The following GDI2 variants were observed in gnomAD, a reference collection of about 807,000 sequenced individuals.
GDI2 encodes GDP dissociation inhibitor 2.
GDI2 carries 22 observed loss-of-function variants against 54.2 expected under a neutral mutation model. The observed-to-expected ratio is 0.41, with a 90% confidence interval of 0.29 to 0.58. The LOEUF (loss-of-function observed/expected upper bound fraction) is 0.58, where lower values mean the gene tolerates loss of function less well. Among genes scored for constraint, GDI2 ranks in the 20% least tolerant of loss-of-function variants. The pLI is 0.35. For synonymous variants in GDI2, 177 were observed against 182.1 expected (o/e 0.97, Z 0.23); for missense variants, 422 against 546.0 (o/e 0.77, Z 2.26).
chr10:5,812,823 G>A (rs964837844), intron 1 of GDI2, among the ~76,000 whole-genome samples: 2 of 152,188 alleles, frequency 1.3e-5, no homozygotes, highest in Admixed American at 6.5e-5. Flanking sequence ...GGCCTGCACC[G>A]TCCCCTCCGC....
intron 4 of GDI2, among the ~76,000 whole-genome samples, chr10:5,786,273 C>A (rs1039747388): frequency 6.8e-6 from 1 of 145,998 alleles, no homozygotes; most frequent in Admixed American, 7.3e-5. Flanking sequence ...CGTGTTCAAG[C>A]GATTCTCCTG....
intron 4 of GDI2, among the ~76,000 whole-genome samples, chr10:5,794,107 T>C (rs994835887): frequency 1.4e-5 from 2 of 146,338 alleles, no homozygotes; most frequent in African/African-American, 5.1e-5. Flanking sequence ...GAGGTTGCAG[T>C]GAGCCTCTGA....
chr10:5,796,665 A>C, intron 3 of GDI2, 98 bp downstream of exon 3: 2 of 683,948 alleles, frequency 2.9e-6, no homozygotes, highest in East Asian at 2.5e-5. Context: ...AACAAAATCC[A>C]GTTCCTCATA....
At chr10:5,805,322 T>C (rs1841353462) in intron 1 of GDI2, among the ~76,000 whole-genome samples, 1 of 148,364 alleles carries the variant, frequency 6.7e-6, no homozygotes, top group African/African-American at 2.5e-5. Context: ...ACAGAGCTTC[T>C]GAGTTAGTAG....
intron 6 of GDI2, among the ~76,000 whole-genome samples, chr10:5,777,551 AG>A (rs1384776848): frequency 6.6e-6 from 1 of 152,244 alleles, no homozygotes; most frequent in Non-Finnish European, 1.5e-5. Context: ...TGGTCATTAG[AG>A]AAATACAAAT....
intron 2 of GDI2, among the ~76,000 whole-genome samples, chr10:5,797,213 C>A (rs1841165313): frequency 6.6e-6 from 1 of 151,282 alleles, no homozygotes; most frequent in South Asian, 2.1e-4. Flanking sequence ...GAGTTTGAGA[C>A]CAGCCTGACC....
chr10:5,791,764 A>T (rs1020432245), intron 4 of GDI2, among the ~76,000 whole-genome samples: 16 of 151,942 alleles, frequency 1.1e-4, no homozygotes, highest in African/African-American at 2.4e-4. Context: ...AAAAAAAAAA[A>T]AATAAGCCAG....
At chr10:5,803,677 GA>G (rs1841316338) in intron 1 of GDI2, among the ~76,000 whole-genome samples, 1 of 151,994 alleles carries the variant, frequency 6.6e-6, no homozygotes, top group African/African-American at 2.4e-5. Flanking sequence ...ACCATCAACC[GA>G]AAAGTATAAA....
chr10:5,779,401 G>C (rs1763004019), intron 6 of GDI2, among the ~76,000 whole-genome samples: 1 of 151,886 alleles, frequency 6.6e-6, no homozygotes, highest in Admixed American at 6.6e-5. Flanking sequence ...CCAGCTACTT[G>C]GGAGGCTGAG....
chr10:5,790,008 T>C (rs1458126537), intron 4 of GDI2, among the ~76,000 whole-genome samples: 1 of 152,226 alleles, frequency 6.6e-6, no homozygotes, highest in Non-Finnish European at 1.5e-5. Context: ...TCTCTCCTTG[T>C]TCTCACATAT....
chr10:5,782,365 C>T (rs1840778051), intron 6 of GDI2, among the ~76,000 whole-genome samples: 1 of 152,222 alleles, frequency 6.6e-6, no homozygotes, highest in South Asian at 2.1e-4. Flanking sequence ...TCATACACTG[C>T]TGAGTGTATA....
intron 6 of GDI2, among the ~76,000 whole-genome samples, chr10:5,778,530 T>C (rs960228705): frequency 6.6e-6 from 1 of 152,208 alleles, no homozygotes; most frequent in African/African-American, 2.4e-5. Context: ...CTCAAGACTA[T>C]CAGGAGAAAT....
At chr10:5,773,354 C>CT (rs1284019225) in intron 7 of GDI2, among the ~76,000 whole-genome samples, 6 of 152,056 alleles carry the variant, frequency 3.9e-5, no homozygotes, top group Non-Finnish European at 7.4e-5. Flanking sequence ...GGGAAACGAT[C>CT]TTTTTTTCCT....
Position 5,813,232 on chromosome 10 carries a change from C to T in GDI2, c.27G>A (p.Val9=). 6.3e-7 allele frequency: 1 copy of T among 1,595,138 alleles called. No individual in the cohort carries two copies. Among genetic ancestry groups the T allele is most frequent in the Middle Eastern group, 1.7e-4 (1 of 6,010 alleles). The change falls in exon 1 of 11, where the codon GTG becomes GTA. Residue 9 remains valine, a synonymous_variant. Coordinates refer to ENST00000380191, the MANE Select transcript of GDI2 (RefSeq NM_001494.4). MNEEYDVI[V]LGTGLTECIL... ...CGCCCACCGTCAGGCCGGTGCCCAG[C>T]ACGATCACGTCGTACTCCTCATTCA...
chr10:5,766,952 G>A lies in GDI2; in HGVS notation c.992-314C>T, dbSNP rs1432226894. Among the ~76,000 whole-genome samples the A allele has an allele frequency of 6.6e-6, 1 of 152,222 alleles. No individual in the cohort carries two copies. Among genetic ancestry groups the A allele is most frequent in the Non-Finnish European group, 1.5e-5 (1 of 68,036 alleles). ...CCAAACCATATTAACTATTCTGGGA[G>A]ATTCTTCCATTCTGGACCTTGCATT... is the stretch of plus-strand genomic sequence containing the variant. On this transcript the variant is annotated intron_variant, in intron 8 of 10. Transcript: ENST00000380191. The surrounding 1 kb of genome is among the most constrained non-coding windows in gnomAD (Gnocchi z 5.8).
At chr10:5,781,078 T>C (rs1421571910) in intron 6 of GDI2, among the ~76,000 whole-genome samples, 1 of 151,750 alleles carries the variant, frequency 6.6e-6, no homozygotes, top group Non-Finnish European at 1.5e-5. Flanking sequence ...AACAAACTCA[T>C]ATGTAGCCAA....
At chr10:5,786,783 T>C (rs952656686) in intron 4 of GDI2, among the ~76,000 whole-genome samples, 2 of 152,186 alleles carry the variant, frequency 1.3e-5, no homozygotes, top group African/African-American at 4.8e-5. Flanking sequence ...TATGCTAAGA[T>C]ACAACCGGGC....
intron 1 of GDI2, among the ~76,000 whole-genome samples, chr10:5,811,657 TAAAAA>T (rs34264151): frequency 7.4e-6 from 1 of 135,182 alleles, no homozygotes; most frequent in Non-Finnish European, 1.6e-5. Flanking sequence ...ATTAGGCACT[TAAAAA>T]AAAAAAAAAA....
intron 1 of GDI2, among the ~76,000 whole-genome samples, chr10:5,801,381 G>A (rs577777025): frequency 6.6e-6 from 1 of 152,230 alleles, no homozygotes; most frequent in African/African-American, 2.4e-5. Context: ...TTCATTTAAG[G>A]ATGTCCTTGA....
Sources: gnomAD v4.1 joint callset for allele counts (sites outside exome capture counted in the v4.1 genomes callset) on GRCh38, gnomAD v4.1.1 for gene constraint, Gnocchi (gnomAD v3.1) non-coding constraint, MANE v1.5 for transcripts, NCBI Gene and HGNC (gene_info 2026-07-23, HGNC 2026-07-21) for gene names.